SLC2A13: variants seen among roughly 807,000 people sequenced by gnomAD.
SLC2A13 encodes proton myo-inositol cotransporter.
SLC2A13 carries 32 observed loss-of-function variants against 64.4 expected under a neutral mutation model. That is an observed-to-expected ratio of 0.50 (90% confidence interval 0.37 to 0.67). The LOEUF (loss-of-function observed/expected upper bound fraction) is 0.67, where lower values mean the gene tolerates loss of function less well. Ranked by LOEUF, SLC2A13 falls within the 30% of genes least tolerant of loss-of-function variation. The pLI is 0.00. For missense variants in SLC2A13, 743 were observed against 829.2 expected (o/e 0.90, Z 1.28); for synonymous variants, 338 against 327.1 (o/e 1.03, Z -0.36).
At chr12:40,044,039 C>T (rs1010952696) in intron 2 of SLC2A13, among the ~76,000 whole-genome samples, 5 of 152,074 alleles carry the variant, frequency 3.3e-5, no homozygotes, top group Non-Finnish European at 7.4e-5. Flanking sequence ...AAAATTTGTA[C>T]ACAAATGTTC....
intron 7 of SLC2A13, among the ~76,000 whole-genome samples, chr12:39,829,239 C>A (rs1942779164): frequency 6.6e-6 from 1 of 151,204 alleles, no homozygotes; most frequent in Admixed American, 6.6e-5. Flanking sequence ...TACTACAAAC[C>A]AAAAACATTA....
At chr12:39,779,091 G>T (rs74090336) in intron 7 of SLC2A13, among the ~76,000 whole-genome samples, 7,188 of 152,244 alleles carry the variant, frequency 0.047, 581 homozygotes, top group African/African-American at 0.16. Flanking sequence ...GGCCCCAAGG[G>T]CTGGCATAAG....
intron 6 of SLC2A13, among the ~76,000 whole-genome samples, chr12:39,836,405 T>C (rs1242640080): frequency 6.6e-6 from 1 of 152,148 alleles, no homozygotes. Context: ...AGCCTTTCTT[T>C]TCAGAAAGGG....
At chr12:39,961,385 G>T (rs532881495) in intron 3 of SLC2A13, among the ~76,000 whole-genome samples, 1 of 152,200 alleles carries the variant, frequency 6.6e-6, no homozygotes, top group African/African-American at 2.4e-5. Context: ...GGACTAAAGA[G>T]AATGCTTCCA....
At chr12:39,829,822 C>A in intron 7 of SLC2A13, 2 of 380,036 alleles carry the variant, frequency 5.3e-6, no homozygotes, top group Non-Finnish European at 9.8e-6. Context: ...ATTGCCTTGG[C>A]AGTATTTGTG....
At chr12:39,970,643 C>G (rs1946631028) in intron 3 of SLC2A13, among the ~76,000 whole-genome samples, 1 of 152,182 alleles carries the variant, frequency 6.6e-6, no homozygotes, top group Non-Finnish European at 1.5e-5. Context: ...TCTTTTACTT[C>G]CAAAGTTCAA....
At chr12:39,881,854 A>G (rs1399461761) in intron 4 of SLC2A13, among the ~76,000 whole-genome samples, 5 of 151,970 alleles carry the variant, frequency 3.3e-5, no homozygotes, top group Non-Finnish European at 7.4e-5. Flanking sequence ...TGTTCATTCA[A>G]TAAAGATTTC....
chr12:40,048,351 A>G (rs1330097335), intron 1 of SLC2A13, 141 bp from the exon 2 acceptor site: 1 of 766,684 alleles, frequency 1.3e-6, no homozygotes, highest in Non-Finnish European at 1.9e-6. Context: ...CATATTTAAG[A>G]TTTTGTTCAT....
chr12:39,780,842 A>AT (rs747374012), intron 7 of SLC2A13, among the ~76,000 whole-genome samples: 1 of 152,248 alleles, frequency 6.6e-6, no homozygotes, highest in South Asian at 2.1e-4. Context: ...ACTAAAAGAA[A>AT]TTTTTTAAAA....
chr12:39,858,732 G>A (rs146405049), intron 6 of SLC2A13, among the ~76,000 whole-genome samples: 3,021 of 152,086 alleles, frequency 0.02, 100 homozygotes, highest in African/African-American at 0.067. Context: ...TCAGCCTCCC[G>A]AGTAGCTGGG....
intron 1 of SLC2A13, among the ~76,000 whole-genome samples, chr12:40,052,846 T>A (rs1420234642): frequency 6.6e-6 from 1 of 152,054 alleles, no homozygotes; most frequent in African/African-American, 2.4e-5. Flanking sequence ...ATGCTTAGAA[T>A]AGAATCCTGA....
chr12:39,812,337 TTTTTCTTTTCTTTTC>T (rs151097142), intron 7 of SLC2A13, among the ~76,000 whole-genome samples: 5,876 of 135,240 alleles, frequency 0.043, 150 homozygotes, highest in African/African-American at 0.072. Context: ...ACTAATTTCT[TTTTTCTTTTCTTTTC>T]TTTTCTTTTC....
intron 4 of SLC2A13, among the ~76,000 whole-genome samples, chr12:39,908,674 G>C (rs1165978429): frequency 6.6e-6 from 1 of 151,932 alleles, no homozygotes; most frequent in African/African-American, 2.4e-5. Flanking sequence ...CCAGGATCCT[G>C]GTGTTAAGAG....
intron 1 of SLC2A13, among the ~76,000 whole-genome samples, chr12:40,095,758 AATTCAAAATAAAC>A (rs1390657122): frequency 3.3e-5 from 5 of 152,276 alleles, no homozygotes; most frequent in African/African-American, 1.2e-4. Flanking sequence ...ACATATTAGT[AATTCAAAATAAAC>A]TTGTTGAATG....
chr12:39,966,326 T>C lies in SLC2A13; in HGVS notation c.926-14961A>G, dbSNP rs535281232. Among the ~76,000 whole-genome samples the C allele has an allele frequency of 2.0e-5, 3 of 152,168 alleles. No homozygotes were observed. In the East Asian group the frequency reaches 5.8e-4, roughly 29 times the overall value. On this transcript the variant is annotated intron_variant, in intron 3 of 9. Coordinates refer to ENST00000280871, the MANE Select transcript of SLC2A13 (RefSeq NM_052885.4). ...TTCTGGCCCTTCTCCACCCCGATTT[T>C]GATAAGGGAAGTGAGGTACCACTGA...
rs577192273 is a variant in SLC2A13, at chr12:40,099,417, G to C, written c.556+5836C>G. Among the ~76,000 whole-genome samples the C allele has an allele frequency of 9.2e-5, 14 of 152,326 alleles. No homozygotes were observed. In the South Asian group the frequency reaches 2.9e-3, roughly 32 times the overall value. On this transcript the variant is annotated intron_variant, in intron 1 of 9. Transcript: ENST00000280871. Reference sequence around the variant, plus strand: ...ACTCAGGTGATTTTGGGTAAAGATGGCAACGACTGCTTGCTATTTCAGTTC... The same window carrying C: ...ACTCAGGTGATTTTGGGTAAAGATGCCAACGACTGCTTGCTATTTCAGTTC...
chr12:39,896,289 T>TGC lies in SLC2A13; in HGVS notation c.1035-24329_1035-24328insGC, dbSNP rs1309055614. Among the ~76,000 whole-genome samples, 3 of 41,806 alleles carry TGC rather than the reference T, an allele frequency of 7.2e-5. 1 individual carries two copies. The highest frequency in any genetic ancestry group is 2.3e-3 in the East Asian group (1 of 440). 27.4% of individuals were successfully genotyped at this position (41,806 alleles called of 152,430 possible). ...GTGTATATATGTATACATGTATGTATATGTGTGTATATATGTATACATATA... is the reference window on the plus strand; with the variant it reads ...GTGTATATATGTATACATGTATGTATGCATGTGTGTATATATGTATACATATA... On this transcript the variant is annotated intron_variant, in intron 4 of 9. Transcript: ENST00000280871.
chr12:40,006,789 A>G (rs995331032), intron 3 of SLC2A13, among the ~76,000 whole-genome samples: 4 of 152,310 alleles, frequency 2.6e-5, no homozygotes, highest in African/African-American at 9.6e-5. Flanking sequence ...GTGGTTTACA[A>G]GAATAAACCC....
chr12:39,896,260 A>G (rs1033068449), intron 4 of SLC2A13, among the ~76,000 whole-genome samples: 4 of 94,806 alleles, frequency 4.2e-5, no homozygotes, highest in East Asian at 3.6e-4. Flanking sequence ...ATGTATGTAT[A>G]TGTGTGTATA....
Sources: gnomAD v4.1 joint callset for allele counts (sites outside exome capture counted in the v4.1 genomes callset) on GRCh38, gnomAD v4.1.1 for gene constraint, MANE v1.5 for transcripts, NCBI Gene and HGNC (gene_info 2026-07-23, HGNC 2026-07-21) for gene names.